Variants in ZNF334 observed in about 807,000 individuals in gnomAD.
The protein encoded by ZNF334 is zinc finger protein 334.
A neutral mutation model predicts 12.4 loss-of-function variants in ZNF334; 14 were observed. The ratio of observed to expected loss-of-function variants is 1.13; its 90% CI spans 0.74 to 1.76. The LOEUF (loss-of-function observed/expected upper bound fraction) is 1.76. ZNF334 is among the 40% of genes most tolerant of loss of function. ZNF334 has a pLI of 0.00. For synonymous variants in ZNF334, 273 were observed against 269.6 expected (o/e 1.01, Z -0.12); for missense variants, 797 against 804.5 (o/e 0.99, Z 0.11).
the ZNF334 span, among the ~76,000 whole-genome samples, chr20:46,482,073 C>T: frequency 3.5e-4 from 53 of 152,068 alleles, no homozygotes; most frequent in Admixed American, 1.4e-3. Flanking sequence ...GGGCTGGCCA[C>T]GAGCCAAGGA....
chr20:46,477,183 AC>A, the ZNF334 span: 1 of 152,228 alleles, frequency 6.6e-6, no homozygotes, highest in East Asian at 1.9e-4. Context: ...AGATAATTGC[AC>A]AGATTAAAAT....
At chr20:46,471,179 T>C in the ZNF334 span, among the ~76,000 whole-genome samples, 3 of 152,226 alleles carry the variant, frequency 2.0e-5, no homozygotes, top group Non-Finnish European at 4.4e-5. Flanking sequence ...TGTGGTACTA[T>C]GTCATTTTGG....
rs2061373112 is a variant in ZNF334 at position 46,504,759 on chromosome 20, T to A, written c.22-19A>T. On this transcript the variant is annotated intron_variant, in intron 2 of 4. Transcript: ENST00000692313. ...CTGGTATCTGAAAGAAAATGTTTAA[T>A]CTTGGGTGACCAAAATTGAGTGATA... 2 of 1,585,326 alleles carry A rather than the reference T, an allele frequency of 1.3e-6. No homozygotes were observed. The highest frequency in any genetic ancestry group is 1.4e-5 in the African/African-American group (1 of 73,558).
downstream of ZNF334, among the ~76,000 whole-genome samples, chr20:46,497,089 CTAAG>C (rs781753827): frequency 6.6e-6 from 1 of 152,162 alleles, no homozygotes; most frequent in South Asian, 2.1e-4. Context: ...TGATTGAACT[CTAAG>C]TGATGCAGGA....
At chr20:46,482,267 T>C in the ZNF334 span, among the ~76,000 whole-genome samples, 1 of 152,334 alleles carries the variant, frequency 6.6e-6, no homozygotes, top group South Asian at 2.1e-4. Flanking sequence ...CATTAGCCTC[T>C]CACTAATCCA....
chr20:46,512,287 C>T lies in ZNF334; in HGVS notation c.-38-147G>A. On this transcript the variant is annotated intron_variant, in intron 1 of 4. Coordinates refer to ENST00000692313, the MANE Select transcript of ZNF334 (RefSeq NM_001353824.2). ...AAGCAACATGTTGAGGAAACGTTCA[C>T]TTGTCCATTTATAGTTCTAGAATGG... 3 of 588,526 alleles carry T rather than the reference C, an allele frequency of 5.1e-6. No homozygotes were observed. The East Asian group carries it at 8.8e-5, about 17-fold the overall frequency. 36.5% of individuals were successfully genotyped at this position (588,526 alleles called of 1,614,324 possible).
the ZNF334 span, among the ~76,000 whole-genome samples, chr20:46,488,444 A>ATATATATATATATAT: frequency 1.1e-4 from 9 of 84,188 alleles, no homozygotes; most frequent in African/African-American, 4.8e-4. Context: ...TATATATATA[A>ATATATATATATATAT]ATACCATAAT....
At chr20:46,467,150 T>C in the ZNF334 span, among the ~76,000 whole-genome samples, 1 of 152,130 alleles carries the variant, frequency 6.6e-6, no homozygotes, top group South Asian at 2.1e-4. Flanking sequence ...TAGGTACCCA[T>C]TAAAAATTAT....
the ZNF334 span, among the ~76,000 whole-genome samples, chr20:46,473,571 A>G: frequency 1.3e-5 from 2 of 152,226 alleles, no homozygotes; most frequent in Non-Finnish European, 2.9e-5. Context: ...TTTGATAACA[A>G]TCCCATTCAA....
Position 46,512,128 on chromosome 20 carries a change from G to A in ZNF334, c.-26C>T, listed in dbSNP as rs2061674261. On this transcript the variant is annotated 5_prime_UTR_variant, in exon 2 of 5. Transcript: ENST00000692313. ...GTTCTCTTGAGAAAGGGCCAAGAGT[G>A]TTGAAAGCAGAGCTGGGTAAGGAAG... The A allele has an allele frequency of 5.6e-6, 9 of 1,613,506 alleles. No homozygotes were observed. The highest frequency in any genetic ancestry group is 1.7e-4 in the Middle Eastern group (1 of 6,058).
At chr20:46,487,017 T>G in the ZNF334 span, among the ~76,000 whole-genome samples, 6 of 152,154 alleles carry the variant, frequency 3.9e-5, no homozygotes, top group African/African-American at 1.4e-4. Context: ...ATGTTATATA[T>G]AAGGTATTTT....
intron 4 of ZNF334, 125 bp from the exon 5 acceptor site, chr20:46,503,222 A>T: frequency 8.9e-7 from 1 of 1,126,028 alleles, no homozygotes; most frequent in Non-Finnish European, 1.2e-6. Context: ...AAGATTAAAC[A>T]AATTTCAAGT....
At chr20:46,511,390 G>T (rs1458426371) in intron 2 of ZNF334, among the ~76,000 whole-genome samples, 1 of 152,170 alleles carries the variant, frequency 6.6e-6, no homozygotes, top group African/African-American at 2.4e-5. Context: ...CATTGGGTTT[G>T]AAAATATTTA....
Position 46,501,861 on chromosome 20 carries a change from T to G in ZNF334, c.1478A>C (p.Lys493Thr). 1 of 1,614,132 alleles carries G rather than the reference T, an allele frequency of 6.2e-7. No individual in the cohort carries two copies. The highest frequency in any genetic ancestry group is 8.5e-7 in the Non-Finnish European group (1 of 1,180,028). The change falls in exon 5 of 5, where the codon AAA becomes ACA. Residue 493 changes from lysine (K) to threonine (T), a missense_variant. Coordinates refer to ENST00000692313, the MANE Select transcript of ZNF334 (RefSeq NM_001353824.2). ...HTGEKHGVFN[K>T]CGRISIVKSN... The stretch of plus-strand genomic sequence containing the variant: ...CTTCACAATGGAGATTCTACCACAT[T>G]TATTAAACACACCATGTTTCTCTCC...
the ZNF334 span, chr20:46,464,036 T>G: frequency 1.6e-6 from 1 of 634,976 alleles, no homozygotes; most frequent in Non-Finnish European, 3.1e-6. Flanking sequence ...TCTTCTTCAT[T>G]GTTGTCAAAG....
the ZNF334 span, among the ~76,000 whole-genome samples, chr20:46,480,417 C>T: frequency 6.6e-6 from 1 of 152,164 alleles, no homozygotes; most frequent in Non-Finnish European, 1.5e-5. Flanking sequence ...CTGCTGAAAG[C>T]GCCAAACTGC....
At chr20:46,469,759 T>C in the ZNF334 span, among the ~76,000 whole-genome samples, 7 of 152,120 alleles carry the variant, frequency 4.6e-5, no homozygotes, top group African/African-American at 1.7e-4. Flanking sequence ...AGATACCCTC[T>C]GGGATGCTTG....
chr20:46,500,636 G>A lies in ZNF334; in HGVS notation c.*660C>T, dbSNP rs944204190. The A allele has an allele frequency of 6.6e-6, 1 of 152,166 alleles. No individual in the cohort carries two copies. Among genetic ancestry groups the A allele is most frequent in the African/African-American group, 2.4e-5 (1 of 41,442 alleles). 9.4% of individuals were successfully genotyped at this position (152,166 alleles called of 1,614,324 possible). The stretch of plus-strand genomic sequence containing the variant: ...CAATTGCCGTCTTCTTGACTTAGCT[G>A]AAAGCTTCAGGATCATGAACTAGTT... On this transcript the variant is annotated 3_prime_UTR_variant, in exon 5 of 5. Transcript: ENST00000692313.
At chr20:46,469,286 G>A in the ZNF334 span, among the ~76,000 whole-genome samples, 1 of 151,928 alleles carries the variant, frequency 6.6e-6, no homozygotes, top group Admixed American at 6.6e-5. Flanking sequence ...AAGTAGATGA[G>A]TTTATTAGGA....
Sources: gnomAD v4.1 joint callset for allele counts (sites outside exome capture counted in the v4.1 genomes callset) on GRCh38, gnomAD v4.1.1 for gene constraint, MANE v1.5 for transcripts, NCBI Gene and HGNC (gene_info 2026-07-23, HGNC 2026-07-21) for gene names.